COL25A1: variants seen among roughly 807,000 people sequenced by gnomAD.
The protein encoded by COL25A1 is collagen type XXV alpha 1 chain.
Under a neutral mutation model 128.4 loss-of-function variants are expected in COL25A1, and 103 were observed. The ratio of observed to expected loss-of-function variants is 0.80; its 90% CI spans 0.68 to 0.94. The LOEUF (loss-of-function observed/expected upper bound fraction) is 0.94. COL25A1 is among the 40% of genes least tolerant of loss of function. The probability of loss-of-function intolerance (pLI) is 0.00; values close to 1 mark genes in which losing one functional copy is unlikely to be tolerated. For synonymous variants in COL25A1, 279 were observed against 277.2 expected (o/e 1.01, Z -0.06); for missense variants, 745 against 840.0 (o/e 0.89, Z 1.40).
chr4:109,008,248 G>A (rs558917076), intron 6 of COL25A1, among the ~76,000 whole-genome samples: 1 of 152,312 alleles, frequency 6.6e-6, no homozygotes, highest in South Asian at 2.1e-4. Context: ...AGTAAAGGCA[G>A]GGAACTTAGT....
intron 3 of COL25A1, among the ~76,000 whole-genome samples, chr4:109,296,624 T>G (rs1398224037): frequency 6.6e-6 from 1 of 152,126 alleles, no homozygotes; most frequent in Admixed American, 6.6e-5. Context: ...ATTTTGGAGA[T>G]ATGAAAATAG....
intron 37 of COL25A1, among the ~76,000 whole-genome samples, 178 bp from the exon 38 acceptor site, chr4:108,814,107 A>G (rs1280226478): frequency 1.3e-5 from 2 of 152,166 alleles, no homozygotes; most frequent in Non-Finnish European, 2.9e-5. Flanking sequence ...ATTACTTTCT[A>G]AACTCCAAGA....
intron 11 of COL25A1, among the ~76,000 whole-genome samples, chr4:108,923,352 G>T (rs994989295): frequency 2.0e-5 from 3 of 151,066 alleles, no homozygotes; most frequent in African/African-American, 7.3e-5. Context: ...CTTTATTTTT[G>T]GTTTCTCTTT....
chr4:109,137,450 C>T lies in COL25A1; in HGVS notation c.368-87271G>A, dbSNP rs193255569. 3.3e-5 allele frequency among the ~76,000 whole-genome samples: 5 copies of T among 152,202 alleles called. No individual in the cohort carries two copies. The East Asian group carries it at 7.7e-4, about 24-fold the overall frequency. Reference sequence around the variant, plus strand: ...TAATTAACTTTTTAAACACTGTAGACGCTCCCCTCTCCACTTGAGATCCAC... The same window carrying T: ...TAATTAACTTTTTAAACACTGTAGATGCTCCCCTCTCCACTTGAGATCCAC... On this transcript the variant is annotated intron_variant, in intron 3 of 37. Coordinates refer to ENST00000399132, the MANE Select transcript of COL25A1 (RefSeq NM_198721.4).
intron 3 of COL25A1, among the ~76,000 whole-genome samples, chr4:109,288,731 C>G (rs1560985852): frequency 1.3e-5 from 2 of 152,044 alleles, no homozygotes; most frequent in Non-Finnish European, 2.9e-5. Flanking sequence ...TTACAATTTT[C>G]CATTTTACAC....
At chr4:109,026,090 A>T (rs3096508) in intron 5 of COL25A1, among the ~76,000 whole-genome samples, 75,652 of 148,958 alleles carry the variant, frequency 0.51, 21,847 homozygotes, top group African/African-American at 0.77. Flanking sequence ...ATCCACATAT[A>T]AAACACTTTG....
chr4:108,884,521 AT>A (rs915139276), intron 18 of COL25A1, among the ~76,000 whole-genome samples: 3 of 152,044 alleles, frequency 2.0e-5, no homozygotes, highest in Non-Finnish European at 4.4e-5. Context: ...ATATTTCATT[AT>A]TTCTTCCTTA....
chr4:108,843,148 C>CA (rs540931971), intron 30 of COL25A1, among the ~76,000 whole-genome samples: 2,617 of 88,176 alleles, frequency 0.03, 116 homozygotes, highest in Middle Eastern at 0.067. Context: ...GACCCTGTCT[C>CA]AAAAAAAAAA....
chr4:108,854,135 T>C (rs1248201188), intron 24 of COL25A1: 1 of 152,170 alleles, frequency 6.6e-6, no homozygotes, highest in Non-Finnish European at 1.5e-5. Context: ...TCCTATTTAA[T>C]AAATGGTGTT....
chr4:109,128,135 T>A (rs1443728655), intron 3 of COL25A1, among the ~76,000 whole-genome samples: 1 of 152,082 alleles, frequency 6.6e-6, no homozygotes, highest in African/African-American at 2.4e-5. Context: ...CCAAGGAAGT[T>A]AGAGTCAGGA....
At chr4:109,189,494 G>A (rs1775408011) in intron 3 of COL25A1, among the ~76,000 whole-genome samples, 2 of 139,572 alleles carry the variant, frequency 1.4e-5, no homozygotes, top group South Asian at 2.2e-4. Flanking sequence ...CATGTAGTGA[G>A]CCGAGATCAC....
At chr4:109,239,420 A>ATATATATATG (rs1553965400) in intron 3 of COL25A1, among the ~76,000 whole-genome samples, 36 of 124,324 alleles carry the variant, frequency 2.9e-4, no homozygotes, top group Non-Finnish European at 3.4e-4. Flanking sequence ...ATATATATAT[A>ATATATATATG]TATTTATTTA....
intron 13 of COL25A1, among the ~76,000 whole-genome samples, chr4:108,906,160 C>A (rs957556476): frequency 4.6e-5 from 7 of 152,152 alleles, no homozygotes; most frequent in Admixed American, 4.6e-4. Context: ...CTTACAATGG[C>A]CCCAGCCCCA....
intron 3 of COL25A1, among the ~76,000 whole-genome samples, chr4:109,131,825 G>A (rs931040573): frequency 6.6e-6 from 1 of 152,126 alleles, no homozygotes; most frequent in African/African-American, 2.4e-5. Context: ...GAGAAACCCC[G>A]CAGTGCCAAG....
At chr4:108,971,269 T>C (rs926911141) in intron 8 of COL25A1, among the ~76,000 whole-genome samples, 2 of 152,202 alleles carry the variant, frequency 1.3e-5, no homozygotes, top group African/African-American at 4.8e-5. Flanking sequence ...ATTTTATTCA[T>C]ACATTCAACA....
chr4:109,191,119 T>C (rs919445769), intron 3 of COL25A1, among the ~76,000 whole-genome samples: 2 of 152,188 alleles, frequency 1.3e-5, no homozygotes, highest in Non-Finnish European at 2.9e-5. Flanking sequence ...CTTCCTAGAA[T>C]AGTACACAGA....
intron 3 of COL25A1, among the ~76,000 whole-genome samples, chr4:109,231,283 A>T (rs1779150554): frequency 6.6e-6 from 1 of 152,158 alleles, no homozygotes; most frequent in South Asian, 2.1e-4. Flanking sequence ...AGTATTCCAA[A>T]CCCACCAAAT....
At chr4:109,140,638 AGGTACTTCACATCCCTTGTAAGTT>A (rs1770309743) in intron 3 of COL25A1, among the ~76,000 whole-genome samples, 1 of 152,072 alleles carries the variant, frequency 6.6e-6, no homozygotes, top group African/African-American at 2.4e-5. Flanking sequence ...CTCCTTGAAG[AGGTACTTCACATCCCTTGTAAGTT>A]GGATTCCTAG....
intron 3 of COL25A1, among the ~76,000 whole-genome samples, chr4:109,222,671 G>T (rs988738600): frequency 9.2e-5 from 14 of 152,042 alleles, no homozygotes; most frequent in African/African-American, 3.4e-4. Context: ...TTCCCTCAGT[G>T]ACCCAAGAGA....
Sources: gnomAD v4.1 joint callset for allele counts (sites outside exome capture counted in the v4.1 genomes callset) on GRCh38, gnomAD v4.1.1 for gene constraint, MANE v1.5 for transcripts, NCBI Gene and HGNC (gene_info 2026-07-23, HGNC 2026-07-21) for gene names.